ZFHX3: variants seen among roughly 807,000 people sequenced by gnomAD.
ZFHX3 encodes the protein zinc finger homeobox protein 3.
In ZFHX3, 42 loss-of-function variants were observed where a neutral mutation model predicts 279.1. The ratio of observed to expected loss-of-function variants is 0.15; its 90% CI spans 0.12 to 0.19. The LOEUF (loss-of-function observed/expected upper bound fraction) is 0.19. Among genes scored for constraint, ZFHX3 ranks in the 10% least tolerant of loss-of-function variants. The pLI is 1.00. For synonymous variants in ZFHX3, 2,293 were observed against 1,957.8 expected (o/e 1.17, Z -4.52); for missense variants, 4,981 against 4,754.0 (o/e 1.05, Z -1.40).
intron 3 of ZFHX3, among the ~76,000 whole-genome samples, chr16:73,402,649 G>T (rs1345909251): frequency 6.6e-6 from 1 of 152,142 alleles, no homozygotes; most frequent in Non-Finnish European, 1.5e-5. Context: ...TCATTTTCCA[G>T]CTATGAAACT....
At chr16:73,187,015 G>A (rs1369835427) in intron 5 of ZFHX3, among the ~76,000 whole-genome samples, 1 of 152,208 alleles carries the variant, frequency 6.6e-6, no homozygotes, top group South Asian at 2.1e-4. Context: ...CAGAAAGGTT[G>A]ACCCTTCCAG....
chr16:73,043,708 G>A lies in ZFHX3; in HGVS notation c.-50+4044C>T, dbSNP rs140092019. 3.2e-3 allele frequency among the ~76,000 whole-genome samples: 480 copies of A among 152,264 alleles called. 4 individuals are homozygous for A. The highest frequency in any genetic ancestry group is 0.017 in the Middle Eastern group (5 of 294). ...ACTTCTGAAGCTTCAGCTCAGTGCT[G>A]CTGTCAATCGGCACTAAGCCTTGCT... On this transcript the variant is annotated intron_variant, in intron 1 of 9. Coordinates refer to ENST00000268489, the MANE Select transcript of ZFHX3 (RefSeq NM_006885.4).
At chr16:73,678,740 AT>A (rs1294626910) in intron 2 of ZFHX3, among the ~76,000 whole-genome samples, 4 of 152,186 alleles carry the variant, frequency 2.6e-5, no homozygotes, top group African/African-American at 9.6e-5. Context: ...AGAACTGTAT[AT>A]ATTCGCTCTG....
At chr16:73,301,188 G>T (rs1239558078) in intron 4 of ZFHX3, among the ~76,000 whole-genome samples, 2 of 152,152 alleles carry the variant, frequency 1.3e-5, no homozygotes, top group African/African-American at 4.8e-5. Context: ...TGGTTTAGGA[G>T]GACTTGGGCA....
At chr16:73,433,918 C>G (rs769905173) in intron 3 of ZFHX3, among the ~76,000 whole-genome samples, 3 of 152,148 alleles carry the variant, frequency 2.0e-5, no homozygotes, top group Non-Finnish European at 4.4e-5. Context: ...CATGGCACAG[C>G]CAGAGGGAGA....
Position 73,786,402 on chromosome 16 carries a change from TA to T in ZFHX3, c.-1608+105248del, listed in dbSNP as rs574705251. 5.2e-3 allele frequency among the ~76,000 whole-genome samples: 788 copies of T among 151,482 alleles called. 10 individuals are homozygous for T. The highest frequency in any genetic ancestry group is 0.018 in the African/African-American group (750 of 41,334). ...GATTCATATTATAAAATGAGACACA[TA>T]AAAAAAAACTGTTGGAAGCTCTGTG... On this transcript the variant is annotated intron_variant, in intron 1 of 17. Coordinates refer to the ZFHX3 transcript ENST00000641206.
chr16:73,230,925 C>T (rs2012752662), intron 5 of ZFHX3, among the ~76,000 whole-genome samples: 1 of 152,134 alleles, frequency 6.6e-6, no homozygotes, highest in African/African-American at 2.4e-5. Context: ...AATCCTCATG[C>T]GGAGGTCTCA....
chr16:73,241,188 A>T (rs1040419422), intron 5 of ZFHX3, among the ~76,000 whole-genome samples: 2 of 152,318 alleles, frequency 1.3e-5, no homozygotes, highest in East Asian at 3.9e-4. Context: ...GTGCCCATAT[A>T]CAGAGGATTA....
At chr16:73,760,806 T>A (rs1433398980) in intron 1 of ZFHX3, among the ~76,000 whole-genome samples, 2 of 151,880 alleles carry the variant, frequency 1.3e-5, no homozygotes, top group Non-Finnish European at 2.9e-5. Flanking sequence ...TAAAGAAAGG[T>A]ACATTTGAGG....
rs748858336 is a variant in ZFHX3 at position 73,553,193 on chromosome 16, C to CT, written c.-1546-96936dup. ...ACCTGGAAAAGAAGTCGTGTAACTC[C>CT]TTTTTTTTTTTTTCAAAATAGTGTC... is the stretch of plus-strand genomic sequence containing the variant. On this transcript the variant is annotated intron_variant, in intron 2 of 17. Coordinates refer to the ZFHX3 transcript ENST00000641206. Among the ~76,000 whole-genome samples the CT allele has an allele frequency of 2.6e-3, 361 of 141,108 alleles. 2 individuals carry two copies. Among genetic ancestry groups the CT allele is most frequent in the South Asian group, 6.4e-3 (28 of 4,392 alleles). 92.6% of individuals were successfully genotyped at this position (141,108 alleles called of 152,430 possible).
At chr16:73,084,980 C>G (rs1327526980) in intron 8 of ZFHX3, among the ~76,000 whole-genome samples, 1 of 152,056 alleles carries the variant, frequency 6.6e-6, no homozygotes, top group Non-Finnish European at 1.5e-5. Context: ...CTACCCGAAG[C>G]AATTTACAGA....
At chr16:73,027,560 C>A (rs1433075593) in intron 1 of ZFHX3, among the ~76,000 whole-genome samples, 2 of 152,172 alleles carry the variant, frequency 1.3e-5, no homozygotes, top group African/African-American at 4.8e-5. Context: ...CTAGCCACAG[C>A]TGGTTTCATA....
chr16:73,297,925 C>A (rs2014955172), intron 4 of ZFHX3, among the ~76,000 whole-genome samples: 1 of 151,810 alleles, frequency 6.6e-6, no homozygotes, highest in Non-Finnish European at 1.5e-5. Flanking sequence ...TGACTGACAC[C>A]TATAATCCCA....
chr16:73,763,956 C>G (rs938431146), intron 1 of ZFHX3, among the ~76,000 whole-genome samples: 2 of 152,170 alleles, frequency 1.3e-5, no homozygotes, highest in South Asian at 2.1e-4. Context: ...TGAATCCTTC[C>G]CTAGTAGATC....
At chr16:73,561,523 C>T (rs2020369380) in intron 2 of ZFHX3, among the ~76,000 whole-genome samples, 1 of 152,122 alleles carries the variant, frequency 6.6e-6, no homozygotes, top group Non-Finnish European at 1.5e-5. Flanking sequence ...AATGCTCCAC[C>T]ATATTTTGCC....
rs772106874 is a variant in ZFHX3 at position 72,787,513 on chromosome 16, T to A, written c.10763A>T (p.Gln3588Leu). Residue 3588 changes from glutamine to leucine, a missense_variant, in exon 10 of 10, where the codon CAG becomes CTG. By Grantham distance (113) the Gln-to-Leu change is moderately radical (BLOSUM62 -2). Transcript: ENST00000268489. ...GCTGTCGTTTGAGTGAGCGGCAGAC[T>A]GCGAGGTAGATGCGGTGCTAGGATC... ...FPDPSTASTS[Q>L]SAAHSNDSPP... 2.5e-5 allele frequency: 40 copies of A among 1,613,744 alleles called. No homozygotes were observed. The Admixed American group carries it at 6.7e-4, about 27-fold the overall frequency.
chr16:73,485,879 CTGCTCTCAAG>C (rs1345617420), intron 2 of ZFHX3, among the ~76,000 whole-genome samples: 9 of 152,200 alleles, frequency 5.9e-5, no homozygotes, highest in African/African-American at 1.9e-4. Context: ...CTCCTACCAT[CTGCTCTCAAG>C]TGCCTAGTGC....
chr16:73,648,311 T>C (rs1026818), intron 2 of ZFHX3, among the ~76,000 whole-genome samples: 119,750 of 152,208 alleles, frequency 0.79, 49,296 homozygotes, highest in East Asian at 0.99. Flanking sequence ...AAGTCCACAT[T>C]ATTATCAATT....
At chr16:73,414,745 GGAA>G (rs1366851034) in intron 3 of ZFHX3, among the ~76,000 whole-genome samples, 4 of 152,168 alleles carry the variant, frequency 2.6e-5, no homozygotes, top group African/African-American at 9.7e-5. Context: ...GGCTGAGGTG[GGAA>G]GAACTTGAGC....
Sources: gnomAD v4.1 joint callset for allele counts (sites outside exome capture counted in the v4.1 genomes callset) on GRCh38, gnomAD v4.1.1 for gene constraint, MANE v1.5 for transcripts, NCBI Gene and HGNC (gene_info 2026-07-23, HGNC 2026-07-21) for gene names.